Variants in OXR1 observed in about 807,000 individuals in gnomAD.
The protein encoded by OXR1 is oxidation resistance protein 1.
A neutral mutation model predicts 104.6 loss-of-function variants in OXR1; 41 were observed. That is an observed-to-expected ratio of 0.39 (90% confidence interval 0.31 to 0.51). The LOEUF (loss-of-function observed/expected upper bound fraction) is 0.51. Ranked by LOEUF, OXR1 falls within the 20% of genes least tolerant of loss-of-function variation. OXR1 has a pLI of 0.77. For synonymous variants in OXR1, 348 were observed against 348.4 expected, an observed-to-expected ratio of 1.00 and a Z score of 0.01; for missense variants, 955 against 1,031.9, an observed-to-expected ratio of 0.93 and a Z score of 1.02.
intron 3 of OXR1, among the ~76,000 whole-genome samples, chr8:106,644,101 A>C (rs990022706): frequency 1.3e-5 from 2 of 152,188 alleles, no homozygotes; most frequent in Non-Finnish European, 2.9e-5. Flanking sequence ...AGGAAACCAA[A>C]TTTTTAAACT....
intron 1 of OXR1, among the ~76,000 whole-genome samples, chr8:106,300,011 G>T (rs1277278473): frequency 6.6e-6 from 1 of 152,126 alleles, no homozygotes; most frequent in Non-Finnish European, 1.5e-5. Flanking sequence ...TCTAGGCAAA[G>T]AAATCAGTAT....
At chr8:106,615,555 C>T (rs1463992363) in intron 3 of OXR1, among the ~76,000 whole-genome samples, 1 of 150,436 alleles carries the variant, frequency 6.6e-6, no homozygotes, top group Non-Finnish European at 1.5e-5. Context: ...TTGCAGTAAG[C>T]CGAGATCAGA....
At chr8:106,643,207 G>A (rs1294189941) in intron 3 of OXR1, among the ~76,000 whole-genome samples, 1 of 152,170 alleles carries the variant, frequency 6.6e-6, no homozygotes, top group East Asian at 1.9e-4. Flanking sequence ...GGGCCAGGGA[G>A]CAAATATTTT....
At chr8:106,271,093 GA>G (rs1451720994) in intron 1 of OXR1, among the ~76,000 whole-genome samples, 1 of 152,130 alleles carries the variant, frequency 6.6e-6, no homozygotes, top group African/African-American at 2.4e-5. Context: ...TTTGGGTGAA[GA>G]GGGGGGGAGC....
At chr8:106,678,514 GTGT>G (rs1480152064) in intron 3 of OXR1, among the ~76,000 whole-genome samples, 4 of 151,740 alleles carry the variant, frequency 2.6e-5, no homozygotes, top group African/African-American at 4.8e-5. Flanking sequence ...TATTAATTCA[GTGT>G]TGTTATTACA....
intron 2 of OXR1, among the ~76,000 whole-genome samples, chr8:106,439,284 G>C (rs73309217): frequency 1.3e-5 from 2 of 151,838 alleles, no homozygotes; most frequent in African/African-American, 4.8e-5. Context: ...GAGCTTTCTC[G>C]CTACCATGTG....
At chr8:106,442,602 C>T (rs542986115) in intron 2 of OXR1, among the ~76,000 whole-genome samples, 5 of 152,100 alleles carry the variant, frequency 3.3e-5, no homozygotes, top group African/African-American at 1.2e-4. Flanking sequence ...TAGCTTATTA[C>T]TGATCTATTC....
intron 2 of OXR1, among the ~76,000 whole-genome samples, chr8:106,374,070 T>C (rs1016066249): frequency 2.0e-5 from 3 of 152,210 alleles, no homozygotes; most frequent in Non-Finnish European, 4.4e-5. Context: ...ATTCAGTGTA[T>C]TGAAACAGCT....
At chr8:106,333,083 C>T (rs771468627) in intron 1 of OXR1, among the ~76,000 whole-genome samples, 6 of 151,880 alleles carry the variant, frequency 4.0e-5, no homozygotes, top group Non-Finnish European at 5.9e-5. Flanking sequence ...TTGGCTATTG[C>T]GAATAACACT....
chr8:106,477,585 A>C (rs112499154), intron 2 of OXR1, among the ~76,000 whole-genome samples: 1,893 of 152,130 alleles, frequency 0.012, 31 homozygotes, highest in East Asian at 0.08. Context: ...AAAATAGACT[A>C]GTATCTAAAC....
chr8:106,558,131 G>A (rs1816419418), intron 3 of OXR1, among the ~76,000 whole-genome samples: 1 of 152,094 alleles, frequency 6.6e-6, no homozygotes, highest in Non-Finnish European at 1.5e-5. Flanking sequence ...AACAATCATG[G>A]CTTCACAGAG....
intron 3 of OXR1, among the ~76,000 whole-genome samples, chr8:106,569,466 TA>T (rs1563612399): frequency 6.6e-6 from 1 of 152,226 alleles, no homozygotes; most frequent in Non-Finnish European, 1.5e-5. Flanking sequence ...AAAACACATT[TA>T]AAAAGCAAAT....
intron 1 of OXR1, among the ~76,000 whole-genome samples, chr8:106,348,622 A>G (rs1395967555): frequency 2.0e-5 from 3 of 152,206 alleles, no homozygotes; most frequent in African/African-American, 7.2e-5. Context: ...AAAAACATTG[A>G]TAAATATATC....
chr8:106,691,647 C>T (rs1253926531), intron 6 of OXR1, among the ~76,000 whole-genome samples: 1 of 148,028 alleles, frequency 6.8e-6, no homozygotes, highest in Non-Finnish European at 1.5e-5. Context: ...TATATACACA[C>T]ACATATATTT....
intron 2 of OXR1, among the ~76,000 whole-genome samples, chr8:106,448,929 CTT>C (rs1488671197): frequency 6.6e-6 from 1 of 152,022 alleles, no homozygotes; most frequent in African/African-American, 2.4e-5. Context: ...ATATTATGCT[CTT>C]ATATAATTAA....
chr8:106,650,348 A>G (rs943300138), intron 3 of OXR1, among the ~76,000 whole-genome samples: 1 of 152,212 alleles, frequency 6.6e-6, no homozygotes, highest in Non-Finnish European at 1.5e-5. Context: ...CTGAAGTTAG[A>G]CTAAGGGCCC....
chr8:106,433,481 G>GAT (rs1819444375), intron 2 of OXR1, among the ~76,000 whole-genome samples: 1 of 152,158 alleles, frequency 6.6e-6, no homozygotes, highest in Non-Finnish European at 1.5e-5. Context: ...TGCAAAGGCA[G>GAT]ATTGGACCCC....
At chr8:106,557,021 C>G (rs1816335292) in intron 3 of OXR1, among the ~76,000 whole-genome samples, 1 of 152,116 alleles carries the variant, frequency 6.6e-6, no homozygotes, top group Non-Finnish European at 1.5e-5. Flanking sequence ...CTGCAGTTTT[C>G]TTTTTTCCCC....
intron 11 of OXR1, among the ~76,000 whole-genome samples, chr8:106,715,880 AG>A (rs1832196873): frequency 6.6e-6 from 1 of 152,230 alleles, no homozygotes; most frequent in Non-Finnish European, 1.5e-5. Flanking sequence ...GAATTGGTGC[AG>A]TTCAAAAGAA....
Sources: gnomAD v4.1 joint callset for allele counts (sites outside exome capture counted in the v4.1 genomes callset) on GRCh38, gnomAD v4.1.1 for gene constraint, MANE v1.5 for transcripts, NCBI Gene and HGNC (gene_info 2026-07-23, HGNC 2026-07-21) for gene names.